The following ITGBL1 variants were observed in gnomAD, a reference collection of about 807,000 sequenced individuals.
ITGBL1 encodes integrin subunit beta like 1, also known as integrin beta-like protein 1.
A neutral mutation model predicts 68.5 loss-of-function variants in ITGBL1; 51 were observed. The ratio of observed to expected loss-of-function variants is 0.74; its 90% CI spans 0.59 to 0.94. The LOEUF (loss-of-function observed/expected upper bound fraction) is 0.94, where lower values mean the gene tolerates loss of function less well. Ranked by LOEUF, ITGBL1 falls within the 40% of genes least tolerant of loss-of-function variation. The pLI, the probability that ITGBL1 is intolerant of heterozygous loss-of-function variation, is 0.00. For synonymous variants in ITGBL1, 209 were observed against 227.3 expected, an observed-to-expected ratio of 0.92 and a Z score of 0.72; for missense variants, 649 against 647.4, an observed-to-expected ratio of 1.00 and a Z score of -0.03.
intron 7 of ITGBL1, among the ~76,000 whole-genome samples, chr13:101,660,303 G>C (rs1366733209): frequency 1.3e-5 from 2 of 152,146 alleles, no homozygotes; most frequent in African/African-American, 4.8e-5. Context: ...GGTTGGGTCA[G>C]AGATGAAATC....
chr13:101,501,856 C>T (rs893833525), intron 2 of ITGBL1, among the ~76,000 whole-genome samples: 7 of 152,152 alleles, frequency 4.6e-5, no homozygotes, highest in African/African-American at 1.7e-4. Flanking sequence ...AACATGTGCT[C>T]CCTAACCAGC....
At chr13:101,554,523 C>T (rs972366) in intron 2 of ITGBL1, among the ~76,000 whole-genome samples, 47,858 of 152,142 alleles carry the variant, frequency 0.31, 7,660 homozygotes, top group South Asian at 0.37. Context: ...CCTCTTCAGA[C>T]AGCAACCTTC....
chr13:101,469,888 A>G (rs1009898421), intron 2 of ITGBL1, among the ~76,000 whole-genome samples: 4 of 152,202 alleles, frequency 2.6e-5, no homozygotes, highest in South Asian at 2.1e-4. Flanking sequence ...ATGCTTGGGA[A>G]TTGGAATTAA....
intron 7 of ITGBL1, among the ~76,000 whole-genome samples, chr13:101,610,526 A>G (rs2031076082): frequency 6.6e-6 from 1 of 152,152 alleles, no homozygotes; most frequent in African/African-American, 2.4e-5. Flanking sequence ...AATCAATCTA[A>G]TATTTATTGA....
chr13:101,479,471 G>A (rs1300103676), intron 2 of ITGBL1, among the ~76,000 whole-genome samples: 1 of 151,954 alleles, frequency 6.6e-6, no homozygotes, highest in African/African-American at 2.4e-5. Context: ...ATCACATCAA[G>A]TGAAAAAGCT....
In ITGBL1 at chr13:101,709,395, A is replaced by G. The variant is rs1281826347; in HGVS notation, c.1279+2493A>G. ...TCAAAAAAAAAAAAAAAAAAAAAAA[A>G]AAAGAAAAGCAGGAAAGGAGGCAGG... On this transcript the variant is annotated intron_variant, in intron 9 of 10. Transcript: ENST00000376180. Among the ~76,000 whole-genome samples, 256 of 144,326 alleles carry G rather than the reference A, an allele frequency of 1.8e-3. 1 individual carries two copies. Among genetic ancestry groups the G allele is most frequent in the Non-Finnish European group, 2.8e-3 (182 of 65,592 alleles). The allele number at this position is 144,326 out of a possible 152,430, so 94.7% of individuals were successfully genotyped here. A position where few individuals can be genotyped will look rare whatever the true frequency, so the allele number is the denominator to read the frequency against.
At chr13:101,563,225 T>G (rs1339160722) in intron 2 of ITGBL1, among the ~76,000 whole-genome samples, 1 of 151,016 alleles carries the variant, frequency 6.6e-6, no homozygotes, top group South Asian at 2.1e-4. Context: ...TAATTTATAC[T>G]TCTACCCTAG....
intron 8 of ITGBL1, among the ~76,000 whole-genome samples, chr13:101,693,613 T>C (rs529346261): frequency 4.2e-5 from 4 of 94,848 alleles, no homozygotes; most frequent in Non-Finnish European, 6.1e-5. Context: ...ATCCATCCTA[T>C]CTGTCTGTCT....
At chr13:101,610,734 A>T (rs1056209211) in intron 7 of ITGBL1, among the ~76,000 whole-genome samples, 5 of 152,076 alleles carry the variant, frequency 3.3e-5, no homozygotes, top group Non-Finnish European at 7.4e-5. Context: ...AATATTTCTC[A>T]TGCAGCCCCT....
At chr13:101,454,453 C>T (rs1370710037) in intron 2 of ITGBL1, among the ~76,000 whole-genome samples, 1 of 147,414 alleles carries the variant, frequency 6.8e-6, no homozygotes, top group African/African-American at 2.5e-5. Flanking sequence ...CCTGAGCTTC[C>T]CAAAGTGTTG....
intron 7 of ITGBL1, among the ~76,000 whole-genome samples, chr13:101,636,543 G>T (rs1018411781): frequency 6.6e-6 from 1 of 152,090 alleles, no homozygotes; most frequent in African/African-American, 2.4e-5. Context: ...TATTTCTTCA[G>T]TATTTTTTAA....
At chr13:101,486,383 G>T (rs1276593852) in intron 2 of ITGBL1, among the ~76,000 whole-genome samples, 1 of 152,064 alleles carries the variant, frequency 6.6e-6, no homozygotes, top group African/African-American at 2.4e-5. Context: ...CTACCCATTG[G>T]GTACAGTGTA....
At chr13:101,470,223 C>T (rs573235925) in intron 2 of ITGBL1, among the ~76,000 whole-genome samples, 1 of 152,116 alleles carries the variant, frequency 6.6e-6, no homozygotes, top group African/African-American at 2.4e-5. Context: ...GCTCTGCTTT[C>T]CTTGAGGATT....
chr13:101,710,943 CT>C (rs1215891771), intron 9 of ITGBL1: 1 of 152,138 alleles, frequency 6.6e-6, no homozygotes, highest in Admixed American at 6.5e-5. Context: ...TGAAAACTGC[CT>C]GCTGGGATGT....
intron 7 of ITGBL1, among the ~76,000 whole-genome samples, chr13:101,635,064 T>C (rs9300688): frequency 6.6e-6 from 1 of 152,042 alleles, no homozygotes; most frequent in Non-Finnish European, 1.5e-5. Context: ...GCAGCTATGC[T>C]GGGAACATGT....
At chr13:101,484,450 T>C (rs1338092533) in intron 2 of ITGBL1, among the ~76,000 whole-genome samples, 1 of 152,128 alleles carries the variant, frequency 6.6e-6, no homozygotes, top group Non-Finnish European at 1.5e-5. Context: ...TTGACCCAAG[T>C]TGAGTTTCTG....
chr13:101,656,955 T>C (rs904142284), intron 7 of ITGBL1, among the ~76,000 whole-genome samples: 1 of 147,212 alleles, frequency 6.8e-6, no homozygotes, highest in African/African-American at 2.6e-5. Flanking sequence ...TTTCTTTTTT[T>C]CTTTTTTTTT....
intron 7 of ITGBL1, among the ~76,000 whole-genome samples, chr13:101,671,460 A>T: frequency 2.6e-5 from 1 of 38,426 alleles, no homozygotes; most frequent in East Asian, 6.9e-3. Flanking sequence ...TTTTTTTGAG[A>T]CGGAGTCTCG....
chr13:101,686,626 T>C (rs2033760721), intron 7 of ITGBL1, among the ~76,000 whole-genome samples: 1 of 152,116 alleles, frequency 6.6e-6, no homozygotes, highest in African/African-American at 2.4e-5. Flanking sequence ...GATTTTGAGC[T>C]AGTCATATAG....
Sources: gnomAD v4.1 joint callset for allele counts (sites outside exome capture counted in the v4.1 genomes callset) on GRCh38, gnomAD v4.1.1 for gene constraint, MANE v1.5 for transcripts, NCBI Gene and HGNC (gene_info 2026-07-23, HGNC 2026-07-21) for gene names.